Variants in AKAP11 observed in about 807,000 individuals in gnomAD.
The protein encoded by AKAP11 is A-kinase anchoring protein 11, also known as A-kinase anchor protein 11.
A neutral mutation model predicts 146.1 loss-of-function variants in AKAP11; 36 were observed. The observed-to-expected ratio is 0.25, with a 90% CI of 0.19 to 0.33. The LOEUF (loss-of-function observed/expected upper bound fraction) is 0.33, where lower values mean the gene tolerates loss of function less well. Ranked by LOEUF, AKAP11 falls within the 10% of genes least tolerant of loss-of-function variation. The probability of loss-of-function intolerance (pLI) is 1.00; values close to 1 mark genes in which losing one functional copy is unlikely to be tolerated. For synonymous variants in AKAP11, 780 were observed against 786.5 expected (o/e 0.99, Z 0.14); for missense variants, 2,201 against 2,197.0 (o/e 1.00, Z -0.04).
chr13:42,317,882 C>A (rs1428901203), intron 12 of AKAP11, among the ~76,000 whole-genome samples, 194 bp downstream of exon 12: 1 of 152,120 alleles, frequency 6.6e-6, no homozygotes, highest in East Asian at 1.9e-4. Flanking sequence ...TGTCTCATTG[C>A]CCCTAACTGC....
rs772367845 is a variant in AKAP11 at position 42,300,427 on chromosome 13, A to G, written c.1681A>G (p.Ser561Gly). 79 of 1,613,364 alleles carry G rather than the reference A, an allele frequency of 4.9e-5. No homozygotes were observed. The highest frequency in any genetic ancestry group is 6.5e-5 in the Non-Finnish European group (77 of 1,179,900). ...QKFAADLVEK[S>G]FGSAFKDLQK... is the part of the protein sequence containing the mutation. ...ATTTGCAGCAGATCTTGTGGAAAAA[A>G]GTTTTGGCAGTGCATTTAAAGACTT... The change falls in exon 8 of 13, where the codon AGT becomes GGT. Residue 561 changes from serine to glycine, a missense_variant. By Grantham distance (56) the Ser-to-Gly change is moderately conservative. Transcript: ENST00000025301.
At chr13:42,310,856 C>CA (rs34581714) in intron 9 of AKAP11, among the ~76,000 whole-genome samples, 1,796 of 123,750 alleles carry the variant, frequency 0.015, 17 homozygotes, top group South Asian at 0.041. Flanking sequence ...CAGACTCCGT[C>CA]AAAAAAAAAA....
chr13:42,300,113 G>A lies in AKAP11; in HGVS notation c.1367G>A (p.Ser456Asn). 1 of 1,613,924 alleles carries A rather than the reference G, an allele frequency of 6.2e-7. No individual in the cohort carries two copies. The highest frequency in any genetic ancestry group is 8.5e-7 in the Non-Finnish European group (1 of 1,179,856). ...LFSPIRSSAF[S>N]PLGGCTPAEC... ...AGTCCTATTCGATCCTCTGCTTTTA[G>A]TCCTCTTGGAGGCTGTACTCCAGCT... Residue 456 changes from serine to asparagine, a missense_variant, in exon 8 of 13, where the codon AGT becomes AAT. Physicochemically the swap from Ser to Asn is conservative, Grantham distance 46. Transcript: ENST00000025301.
intron 9 of AKAP11, 68 bp from the exon 10 acceptor site, chr13:42,312,979 C>T (rs529067890): frequency 2.8e-5 from 38 of 1,337,812 alleles, no homozygotes; most frequent in South Asian, 4.9e-5. Context: ...GAAGCTGTTC[C>T]GAGGAAACAA....
chr13:42,273,451 CA>C (rs1414711757), intron 1 of AKAP11, among the ~76,000 whole-genome samples: 3 of 151,876 alleles, frequency 2.0e-5, no homozygotes, highest in East Asian at 3.8e-4. Flanking sequence ...AAAACTGACC[CA>C]GGGGTGGACA....
At chr13:42,272,302 G>A (rs9533054) in intron 1 of AKAP11, 74 bp downstream of exon 1, 18,971 of 152,268 alleles carry the variant, frequency 0.12, 1,322 homozygotes, top group South Asian at 0.17. Context: ...CGGCCGGCAT[G>A]GATGGAGCGG....
At position 42,321,000 on chromosome 13, in the gene AKAP11, A is replaced by G. The variant is rs938671761; in HGVS notation, c.*1772A>G. The stretch of plus-strand genomic sequence containing the variant: ...TCTTCAAGTATTTTTTAAGGTGGAG[A>G]AATGCAGGAATTGTATAACCAGAAT... On this transcript the variant is annotated 3_prime_UTR_variant, in exon 13 of 13. Coordinates refer to ENST00000025301, the MANE Select transcript of AKAP11 (RefSeq NM_016248.4). The G allele has an allele frequency of 3.9e-5, 6 of 152,344 alleles. No individual in the cohort carries two copies. Among genetic ancestry groups the G allele is most frequent in the Non-Finnish European group, 7.3e-5 (5 of 68,030 alleles). 9.4% of individuals were successfully genotyped at this position (152,344 alleles called of 1,614,324 possible). A position where few individuals can be genotyped will look rare whatever the true frequency, so the allele number is the denominator to read the frequency against.
chr13:42,288,379 TTAA>T lies in AKAP11; in HGVS notation c.51+1985_51+1987del, dbSNP rs1959181816. Among the ~76,000 whole-genome samples the T allele has an allele frequency of 3.9e-5, 6 of 152,342 alleles. No homozygotes were observed. In the South Asian group the frequency reaches 1.2e-3, roughly 32 times the overall value. ...ACCTACCACCCATATTCAACAGTAG[TTAA>T]TAATTTGTCTTGTTTGCTTTGTGTC... On this transcript the variant is annotated intron_variant, in intron 3 of 12. Coordinates refer to ENST00000025301, the MANE Select transcript of AKAP11 (RefSeq NM_016248.4).
intron 8 of AKAP11, 79 bp downstream of exon 8, chr13:42,303,942 A>T (rs913903949): frequency 2.1e-5 from 31 of 1,444,248 alleles, no homozygotes; most frequent in Non-Finnish European, 2.8e-5. Flanking sequence ...GGTCCTGTTC[A>T]TAAAGGAATG....
At chr13:42,290,953 G>C (rs1375442001) in intron 3 of AKAP11, among the ~76,000 whole-genome samples, 1 of 152,138 alleles carries the variant, frequency 6.6e-6, no homozygotes, top group Non-Finnish European at 1.5e-5. Flanking sequence ...GCCACTGAAG[G>C]TCATTGTTTC....
In AKAP11 at chr13:42,301,803, C is replaced by T. The variant is rs781177670; in HGVS notation, c.3057C>T (p.Ser1019=). The part of the protein sequence containing the change: ...ECKVSMVHGS[S]LETLPSCPAV... ...AAGTTTCTATGGTTCATGGATCCTC[C>T]CTAGAGACACTGCCATCTTGTCCAG... The change falls in exon 8 of 13, where the codon TCC becomes TCT. Residue 1019 remains serine (S), a synonymous_variant. Coordinates refer to ENST00000025301, the MANE Select transcript of AKAP11 (RefSeq NM_016248.4). The T allele has an allele frequency of 6.2e-7, 1 of 1,614,114 alleles. No individual in the cohort carries two copies. The highest frequency in any genetic ancestry group is 8.5e-7 in the Non-Finnish European group (1 of 1,179,994).
chr13:42,279,767 T>A (rs113940810), intron 1 of AKAP11, among the ~76,000 whole-genome samples: 342 of 152,366 alleles, frequency 2.2e-3, no homozygotes, highest in Middle Eastern at 6.8e-3. Flanking sequence ...TGCCAGCCAT[T>A]GAGTTTATAC....
intron 8 of AKAP11, among the ~76,000 whole-genome samples, chr13:42,305,552 A>G (rs1455732586): frequency 6.6e-6 from 1 of 152,160 alleles, no homozygotes; most frequent in Non-Finnish European, 1.5e-5. Flanking sequence ...AAATCAAATG[A>G]TATTTTGTGA....
Position 42,286,381 on chromosome 13 carries a change from T to C in AKAP11, c.33T>C (p.Thr11=). 1 of 1,601,992 alleles carries C rather than the reference T, an allele frequency of 6.2e-7. No homozygotes were observed. Among genetic ancestry groups the C allele is most frequent in the Non-Finnish European group, 8.5e-7 (1 of 1,175,322 alleles). Residue 11 remains threonine, a synonymous_variant, in exon 3 of 13, where the codon ACT becomes ACC. Transcript: ENST00000025301. Reference sequence around the variant, plus strand: ...CTTTCAGAAACAATCACATGAAGACTAAAGCATCTGTCAGAAAAGTAAGTT... The same window carrying C: ...CTTTCAGAAACAATCACATGAAGACCAAAGCATCTGTCAGAAAAGTAAGTT... MATFRNNHMK[T]KASVRKSFSE...
intron 9 of AKAP11, among the ~76,000 whole-genome samples, chr13:42,310,176 T>TGGGG (rs1281825865): frequency 1.3e-5 from 2 of 152,154 alleles, no homozygotes; most frequent in Non-Finnish European, 2.9e-5. Flanking sequence ...TGAACTTAAG[T>TGGGG]GGGGAGCAAA....
chr13:42,279,654 CCATCATCACTGT>C (rs1432306926), intron 1 of AKAP11, among the ~76,000 whole-genome samples: 3 of 152,188 alleles, frequency 2.0e-5, no homozygotes, highest in East Asian at 3.9e-4. Flanking sequence ...TCTGTTCCTG[CCATCATCACTGT>C]CATTTCTAGG....
At chr13:42,293,671 C>T (rs763539002) in intron 4 of AKAP11, among the ~76,000 whole-genome samples, 1 of 152,132 alleles carries the variant, frequency 6.6e-6, no homozygotes, top group Non-Finnish European at 1.5e-5. Context: ...TTTTCCAGCT[C>T]GGATAGGTCG....
chr13:42,271,522 T>G (rs934736046), upstream of AKAP11, among the ~76,000 whole-genome samples: 1 of 152,184 alleles, frequency 6.6e-6, no homozygotes, highest in African/African-American at 2.4e-5. Context: ...CCTTGGGCCT[T>G]CGGATCTGGT....
rs1959165591 is a variant in AKAP11, at chr13:42,286,295, T to C, written c.-49-5T>C. ...AAATAAGTTGTTTTAATATGTTTTC[T>C]TTAGGTGTTTTGTGGATTAACTCTT... On this transcript the variant is annotated splice_polypyrimidine_tract_variant and splice_region_variant and intron_variant, in intron 2 of 12. Transcript: ENST00000025301. The C allele has an allele frequency of 1.2e-5, 15 of 1,214,170 alleles. 1 individual carries two copies. The South Asian group carries it at 2.1e-4, about 17-fold the overall frequency. The allele number at this position is 1,214,170 out of a possible 1,614,324, so 75.2% of individuals were successfully genotyped here.
Sources: allele counts gnomAD v4.1 joint callset (sites outside exome capture counted in the v4.1 genomes callset), GRCh38; gene constraint gnomAD v4.1.1; transcripts MANE v1.5; gene names NCBI Gene and HGNC (gene_info 2026-07-23, HGNC 2026-07-21).